FOXP1: variants seen among roughly 807,000 people sequenced by gnomAD.
FOXP1 encodes the protein forkhead box protein P1.
Under a neutral mutation model 98.2 loss-of-function variants are expected in FOXP1, and 15 were observed. That is an observed-to-expected ratio of 0.15 (90% confidence interval 0.10 to 0.24). The LOEUF is 0.24. Ranked by LOEUF, FOXP1 falls within the 10% of genes least tolerant of loss-of-function variation. The pLI is 1.00. For synonymous variants in FOXP1, 371 were observed against 314.5 expected (o/e 1.18, Z -1.90); for missense variants, 633 against 848.5 (o/e 0.75, Z 3.15).
chr3:71,283,833 G>A (rs529579283), intron 5 of FOXP1, among the ~76,000 whole-genome samples: 1 of 152,124 alleles, frequency 6.6e-6, no homozygotes, highest in African/African-American at 2.4e-5. Flanking sequence ...GGTGAATAAA[G>A]AAATGAATTT....
At chr3:71,564,350 C>T (rs2046755288) in intron 2 of FOXP1, among the ~76,000 whole-genome samples, 1 of 152,224 alleles carries the variant, frequency 6.6e-6, no homozygotes, top group African/African-American at 2.4e-5. Context: ...ATATATAAAG[C>T]TCCTGTATTT....
chr3:70,993,245 G>A (rs1394082143), intron 13 of FOXP1, among the ~76,000 whole-genome samples: 4 of 151,720 alleles, frequency 2.6e-5, no homozygotes, highest in African/African-American at 9.7e-5. Flanking sequence ...TTTGGGAGAT[G>A]TTGGAGTGAT....
intron 3 of FOXP1, among the ~76,000 whole-genome samples, chr3:71,380,698 A>AG (rs561846394): frequency 2.1e-4 from 21 of 100,260 alleles, no homozygotes; most frequent in Non-Finnish European, 3.6e-4. Context: ...CTTTTTAGAC[A>AG]TTTTTTTTTT....
intron 6 of FOXP1, among the ~76,000 whole-genome samples, chr3:71,195,020 G>A (rs1254797764): frequency 6.6e-6 from 1 of 152,150 alleles, no homozygotes; most frequent in Non-Finnish European, 1.5e-5. Context: ...CAATGCTGCT[G>A]GTGGGAACGA....
rs2050230603 is a variant in FOXP1 at position 71,053,771 on chromosome 3, A to T, written c.285T>A (p.Val95=). ...KRNDKQPALQ[V]PVSVAMMTPQ... Reference sequence around the variant, plus strand: ...GTGTCATCATAGCCACTGACACGGGAACCTAGAATGTTAATGAAGGATAAA... The same window carrying T: ...GTGTCATCATAGCCACTGACACGGGTACCTAGAATGTTAATGAAGGATAAA... Residue 95 remains valine, a splice_region_variant and synonymous_variant, in exon 8 of 21, where the codon GTT becomes GTA. Transcript: ENST00000649528. 1.9e-6 allele frequency: 3 copies of T among 1,613,868 alleles called. No homozygotes were observed. The highest frequency in any genetic ancestry group is 3.3e-5 in the Admixed American group (2 of 60,004).
intron 7 of FOXP1, among the ~76,000 whole-genome samples, chr3:71,110,596 T>C (rs1372375852): frequency 6.6e-6 from 1 of 152,248 alleles, no homozygotes; most frequent in Non-Finnish European, 1.5e-5. Flanking sequence ...ATTGTGTCTC[T>C]GTCCACAGGA....
At chr3:71,391,486 C>T (rs1253232701) in intron 3 of FOXP1, among the ~76,000 whole-genome samples, 2 of 152,206 alleles carry the variant, frequency 1.3e-5, no homozygotes, top group African/African-American at 2.4e-5. Flanking sequence ...CATTCCCTAC[C>T]TTGTCTGGTC....
At chr3:71,002,109 C>T (rs561094698) in intron 12 of FOXP1, among the ~76,000 whole-genome samples, 3 of 152,256 alleles carry the variant, frequency 2.0e-5, no homozygotes, top group Admixed American at 2.0e-4. Flanking sequence ...AGATTTAAAA[C>T]CCAGGTCTGT....
intron 2 of FOXP1, among the ~76,000 whole-genome samples, chr3:71,528,004 C>T (rs529223657): frequency 5.2e-4 from 79 of 152,276 alleles, no homozygotes; most frequent in African/African-American, 1.7e-3. Context: ...AGAAAGACCA[C>T]GGTGTCTACA....
At chr3:71,468,410 G>A (rs538321243) in intron 3 of FOXP1, among the ~76,000 whole-genome samples, 1 of 152,270 alleles carries the variant, frequency 6.6e-6, no homozygotes, top group Admixed American at 6.5e-5. Context: ...GGGCTACCTT[G>A]AAAGACTCTT....
chr3:71,195,545 C>T (rs745655533), intron 6 of FOXP1, among the ~76,000 whole-genome samples: 1 of 152,182 alleles, frequency 6.6e-6, no homozygotes, highest in Non-Finnish European at 1.5e-5. Flanking sequence ...ACATATTTTA[C>T]AGTTCTAATT....
At position 71,082,849 on chromosome 3, in the gene FOXP1, T is replaced by TCCGCTAA. The variant is rs530638877; in HGVS notation, c.283-29083_283-29077dup. 1.6e-4 allele frequency among the ~76,000 whole-genome samples: 24 copies of TCCGCTAA among 152,332 alleles called. No individual in the cohort carries two copies. The South Asian group carries it at 2.7e-3, about 17-fold the overall frequency. ...TTGTCCAAATCTAGGAAGTGATTTT[T>TCCGCTAA]CCGCTAACCAGCTGACTGGCTAAAC... is the stretch of plus-strand genomic sequence containing the variant. On this transcript the variant is annotated intron_variant, in intron 7 of 20. Transcript: ENST00000649528.
At chr3:71,256,694 G>A (rs1025704025) in intron 5 of FOXP1, among the ~76,000 whole-genome samples, 2 of 152,024 alleles carry the variant, frequency 1.3e-5, no homozygotes, top group African/African-American at 4.8e-5. Context: ...TCACTTCAAT[G>A]TTCTTTTAAG....
intron 5 of FOXP1, among the ~76,000 whole-genome samples, chr3:71,217,734 T>C (rs6549383): frequency 0.45 from 68,210 of 151,822 alleles, 15,832 homozygotes; most frequent in Admixed American, 0.51. Flanking sequence ...AAATGAGCTT[T>C]ACAGGAAGTG....
intron 2 of FOXP1, among the ~76,000 whole-genome samples, chr3:71,539,606 T>C (rs2044628055): frequency 6.6e-6 from 1 of 152,194 alleles, no homozygotes; most frequent in Non-Finnish European, 1.5e-5. Context: ...TTCCAGTCTA[T>C]GAACATATGA....
chr3:71,351,814 G>A (rs549985672), intron 4 of FOXP1, among the ~76,000 whole-genome samples: 1 of 152,222 alleles, frequency 6.6e-6, no homozygotes, highest in Admixed American at 6.5e-5. Context: ...GTAAAATGAG[G>A]GCTAGAGAGA....
chr3:70,996,801 C>T (rs1232140762), intron 13 of FOXP1, among the ~76,000 whole-genome samples: 1 of 152,122 alleles, frequency 6.6e-6, no homozygotes, highest in Non-Finnish European at 1.5e-5. Flanking sequence ...TTTGCTTTTA[C>T]GATGGGGCAC....
At chr3:71,157,427 T>A (rs2060878872) in intron 6 of FOXP1, among the ~76,000 whole-genome samples, 1 of 152,190 alleles carries the variant, frequency 6.6e-6, no homozygotes, top group Non-Finnish European at 1.5e-5. Flanking sequence ...AAATGACTCT[T>A]AAATACAAAT....
intron 2 of FOXP1, among the ~76,000 whole-genome samples, chr3:71,553,800 A>G (rs576944658): frequency 1.3e-5 from 2 of 152,348 alleles, no homozygotes; most frequent in East Asian, 3.9e-4. Flanking sequence ...CCTAACTGAT[A>G]GCTCAAGTAC....
Sources: gnomAD v4.1 joint callset for allele counts (sites outside exome capture counted in the v4.1 genomes callset) on GRCh38, gnomAD v4.1.1 for gene constraint, MANE v1.5 for transcripts, NCBI Gene and HGNC (gene_info 2026-07-23, HGNC 2026-07-21) for gene names.